Variants in MITF observed in about 807,000 individuals in gnomAD.
The protein encoded by MITF is microphthalmia-associated transcription factor.
MITF carries 17 observed loss-of-function variants against 60.5 expected under a neutral mutation model. The ratio of observed to expected loss-of-function variants is 0.28; its 90% CI spans 0.19 to 0.42. The LOEUF (loss-of-function observed/expected upper bound fraction) is 0.42, where lower values mean the gene tolerates loss of function less well. Among genes scored for constraint, MITF ranks in the 10% least tolerant of loss-of-function variants. MITF has a pLI of 1.00. For synonymous variants in MITF, 260 were observed against 248.5 expected (o/e 1.05, Z -0.43); for missense variants, 622 against 683.5 (o/e 0.91, Z 1.00).
chr3:69,897,502 A>G (rs1352877872), intron 2 of MITF, among the ~76,000 whole-genome samples: 3 of 152,184 alleles, frequency 2.0e-5, no homozygotes, highest in African/African-American at 7.2e-5. Context: ...TCCTGCTACC[A>G]TCTTTTTTGG....
At chr3:69,845,413 T>G (rs927442709) in intron 1 of MITF, among the ~76,000 whole-genome samples, 1 of 150,532 alleles carries the variant, frequency 6.6e-6, no homozygotes, top group African/African-American at 2.4e-5. Flanking sequence ...TTCTTTGTTT[T>G]CTTTTCTTTT....
chr3:69,790,774 G>A lies in MITF; in HGVS notation c.104+51073G>A, dbSNP rs112881511. On this transcript the variant is annotated intron_variant, in intron 1 of 9. Coordinates refer to ENST00000352241, the MANE Select transcript of MITF (RefSeq NM_001354604.2). Reference sequence around the variant, plus strand: ...TAGTCTGTCCAATCAACAAATGGCTGTAGCTGAGGAGCAGCACCCCACTTT... The same window carrying A: ...TAGTCTGTCCAATCAACAAATGGCTATAGCTGAGGAGCAGCACCCCACTTT... 4.3e-3 allele frequency among the ~76,000 whole-genome samples: 651 copies of A among 152,300 alleles called. 6 individuals are homozygous for A. Among genetic ancestry groups the A allele is most frequent in the African/African-American group, 0.014 (601 of 41,552 alleles).
chr3:69,769,399 AT>A, intron 1 of MITF: 1 of 152,048 alleles, frequency 6.6e-6, no homozygotes, highest in South Asian at 2.1e-4. Flanking sequence ...AAAAATTATT[AT>A]TTTTTGACTA....
chr3:69,837,335 A>G (rs973617835), intron 1 of MITF, among the ~76,000 whole-genome samples: 2 of 152,198 alleles, frequency 1.3e-5, no homozygotes, highest in Admixed American at 6.5e-5. Context: ...CAGTAGCGCA[A>G]TACCTTTTGA....
chr3:69,832,983 T>C (rs1461854463), intron 1 of MITF, among the ~76,000 whole-genome samples: 3 of 150,954 alleles, frequency 2.0e-5, no homozygotes, highest in Non-Finnish European at 4.4e-5. Flanking sequence ...TGATTGTTTC[T>C]CTGTTCACAC....
chr3:69,896,133 T>C (rs2064871719), intron 2 of MITF, among the ~76,000 whole-genome samples: 1 of 152,142 alleles, frequency 6.6e-6, no homozygotes, highest in Non-Finnish European at 1.5e-5. Context: ...AAACCTCCCA[T>C]GTTGTTGGCA....
At chr3:69,861,233 C>CT (rs1458939220) in intron 1 of MITF, among the ~76,000 whole-genome samples, 3 of 152,092 alleles carry the variant, frequency 2.0e-5, no homozygotes, top group East Asian at 3.9e-4. Flanking sequence ...CTTATCTGAC[C>CT]TTTTTTCATT....
At chr3:69,831,210 G>A (rs940146758) in intron 1 of MITF, among the ~76,000 whole-genome samples, 5 of 152,168 alleles carry the variant, frequency 3.3e-5, no homozygotes, top group East Asian at 1.9e-4. Flanking sequence ...TGATGGGCAC[G>A]GAGTAAATGG....
At chr3:69,853,038 T>TA (rs543065358) in intron 1 of MITF, among the ~76,000 whole-genome samples, 9 of 151,560 alleles carry the variant, frequency 5.9e-5, no homozygotes, top group Non-Finnish European at 7.4e-5. Context: ...AATAAAACAT[T>TA]AAAAAAAAAT....
At chr3:69,783,683 A>C (rs1004165304) in intron 1 of MITF, among the ~76,000 whole-genome samples, 7 of 152,076 alleles carry the variant, frequency 4.6e-5, no homozygotes, top group African/African-American at 1.4e-4. Flanking sequence ...AGGATGTTTT[A>C]AATTATCCAG....
intron 1 of MITF, chr3:69,838,661 A>G (rs2063577593): frequency 6.6e-6 from 1 of 152,622 alleles, no homozygotes; most frequent in African/African-American, 2.4e-5. Context: ...TTCTGGTTTT[A>G]AAATATAAAG....
At chr3:69,757,992 A>T (rs1302392190) in intron 1 of MITF, among the ~76,000 whole-genome samples, 1 of 133,338 alleles carries the variant, frequency 7.5e-6, no homozygotes, top group Non-Finnish European at 1.6e-5. Flanking sequence ...GAGTTACCCT[A>T]GGGCATGTGT....
At chr3:69,934,217 C>T (rs1308211810) in intron 2 of MITF, among the ~76,000 whole-genome samples, 7 of 152,144 alleles carry the variant, frequency 4.6e-5, no homozygotes, top group African/African-American at 1.4e-4. Flanking sequence ...TGGACTATTT[C>T]AGAATAACAC....
chr3:69,931,834 A>C (rs760917088), intron 2 of MITF, among the ~76,000 whole-genome samples: 5 of 152,230 alleles, frequency 3.3e-5, no homozygotes, highest in Non-Finnish European at 5.9e-5. Context: ...ACTGACCCAC[A>C]GAAGAGGGAG....
intron 1 of MITF, among the ~76,000 whole-genome samples, chr3:69,878,231 G>A (rs77291492): frequency 0.018 from 2,678 of 152,150 alleles, 35 homozygotes; most frequent in Middle Eastern, 0.048. Flanking sequence ...CTTCTTTTCC[G>A]GATACTAAGA....
At chr3:69,809,877 C>T (rs1284848108) in intron 1 of MITF, among the ~76,000 whole-genome samples, 3 of 152,060 alleles carry the variant, frequency 2.0e-5, no homozygotes, top group African/African-American at 7.2e-5. Flanking sequence ...AAACAAGAAG[C>T]GGAGACTCTC....
chr3:69,749,617 G>T (rs1259234792), intron 1 of MITF, among the ~76,000 whole-genome samples: 7 of 152,196 alleles, frequency 4.6e-5, no homozygotes, highest in Admixed American at 4.6e-4. Context: ...TAGTTTTAAA[G>T]GAAGAGTTTA....
At chr3:69,838,641 G>A (rs1351147985) in intron 1 of MITF, 1 of 152,618 alleles carries the variant, frequency 6.6e-6, no homozygotes, top group East Asian at 1.9e-4. Context: ...GGGTAAGTCT[G>A]ATTTTGCTTT....
chr3:69,890,203 C>T (rs1469560212), intron 2 of MITF, among the ~76,000 whole-genome samples: 1 of 152,070 alleles, frequency 6.6e-6, no homozygotes, highest in Non-Finnish European at 1.5e-5. Flanking sequence ...GTTGATATTT[C>T]CTGTCAAAAA....
Sources: gnomAD v4.1 joint callset for allele counts (sites outside exome capture counted in the v4.1 genomes callset) on GRCh38, gnomAD v4.1.1 for gene constraint, MANE v1.5 for transcripts, NCBI Gene and HGNC (gene_info 2026-07-23, HGNC 2026-07-21) for gene names.